The following TSNARE1 variants were observed in gnomAD, a reference collection of about 807,000 sequenced individuals.
TSNARE1 encodes the protein t-SNARE domain containing 1.
A neutral mutation model predicts 62.0 loss-of-function variants in TSNARE1; 49 were observed. The observed-to-expected ratio is 0.79, with a 90% CI of 0.63 to 1.00. TSNARE1 has a LOEUF of 1.00. TSNARE1 is among the 50% of genes least tolerant of loss of function. TSNARE1 has a pLI of 0.00. For synonymous variants in TSNARE1, 328 were observed against 294.4 expected, an observed-to-expected ratio of 1.11 and a Z score of -1.17; for missense variants, 755 against 700.1, an observed-to-expected ratio of 1.08 and a Z score of -0.88.
chr8:142,338,580 G>T (rs537697833), intron 4 of TSNARE1, among the ~76,000 whole-genome samples: 1 of 151,648 alleles, frequency 6.6e-6, no homozygotes, highest in African/African-American at 2.4e-5. Flanking sequence ...CGACCACTGG[G>T]CAAGCTGACA....
chr8:142,259,996 C>T (rs934581219), intron 12 of TSNARE1, among the ~76,000 whole-genome samples: 3 of 152,036 alleles, frequency 2.0e-5, no homozygotes, highest in South Asian at 2.1e-4. Context: ...GCCCTCGGGC[C>T]GCAGAGGCCC....
At chr8:142,353,855 G>GAA (rs879441149) in intron 2 of TSNARE1, among the ~76,000 whole-genome samples, 1 of 150,664 alleles carries the variant, frequency 6.6e-6, no homozygotes, top group Non-Finnish European at 1.5e-5. Context: ...CGGCGAGGGA[G>GAA]CCCCTGCCTG....
At chr8:142,244,142 C>A (rs1469488317) in intron 12 of TSNARE1, among the ~76,000 whole-genome samples, 2 of 152,152 alleles carry the variant, frequency 1.3e-5, no homozygotes, top group Non-Finnish European at 2.9e-5. Context: ...GCCGAGATCG[C>A]GCCACTGCAC....
At chr8:142,308,863 A>T (rs1350500940) in intron 9 of TSNARE1, among the ~76,000 whole-genome samples, 1 of 152,154 alleles carries the variant, frequency 6.6e-6, no homozygotes, top group Non-Finnish European at 1.5e-5. Flanking sequence ...GTGAGAGCTG[A>T]CATCTCCATA....
intron 1 of TSNARE1, among the ~76,000 whole-genome samples, chr8:142,399,219 C>T (rs1399264927): frequency 6.6e-6 from 1 of 152,220 alleles, no homozygotes; most frequent in Non-Finnish European, 1.5e-5. Flanking sequence ...ATGGAAGCTT[C>T]CAGATGGCTC....
rs148394691 is a variant in TSNARE1, at chr8:142,360,106, C to A, written c.-39-5343G>T. Among the ~76,000 whole-genome samples the A allele has an allele frequency of 9.2e-5, 14 of 152,338 alleles. No homozygotes were observed. In the East Asian group the frequency reaches 2.5e-3, roughly 27 times the overall value. ...AAGAGAGGGAGCCAGGCCTTCCCAA[C>A]CAAAGCACTCTGCTGAGTTCAGGAC... On this transcript the variant is annotated intron_variant, in intron 1 of 13. Coordinates refer to ENST00000524325, the MANE Select transcript of TSNARE1 (RefSeq NM_145003.5).
At chr8:142,383,263 G>C (rs527520055) in intron 1 of TSNARE1, among the ~76,000 whole-genome samples, 2 of 152,222 alleles carry the variant, frequency 1.3e-5, no homozygotes, top group African/African-American at 2.4e-5. Flanking sequence ...AGCTGAGAGA[G>C]AGCTGGAGAA....
At chr8:142,343,718 A>G in intron 4 of TSNARE1, among the ~76,000 whole-genome samples, 1 of 144,104 alleles carries the variant, frequency 6.9e-6, no homozygotes, top group East Asian at 2.3e-4. Flanking sequence ...ATGAATGAAC[A>G]AGAACACTCC....
At chr8:142,224,298 C>T (rs772576685) in intron 13 of TSNARE1, among the ~76,000 whole-genome samples, 29 of 152,344 alleles carry the variant, frequency 1.9e-4, no homozygotes, top group Non-Finnish European at 3.7e-4. Context: ...GCCCTAATGC[C>T]TGTCATGACT....
At chr8:142,221,806 CA>C (rs778333726) in intron 13 of TSNARE1, among the ~76,000 whole-genome samples, 74,722 of 139,024 alleles carry the variant, frequency 0.54, 34,300 homozygotes, top group Non-Finnish European at 0.57. Flanking sequence ...TTCACTCACT[CA>C]TCCACTCACT....
At chr8:142,340,429 G>A (rs1832420609) in intron 4 of TSNARE1, among the ~76,000 whole-genome samples, 1 of 152,208 alleles carries the variant, frequency 6.6e-6, no homozygotes, top group African/African-American at 2.4e-5. Context: ...AGCTGCCAGG[G>A]CTGGGGGAGC....
intron 2 of TSNARE1, among the ~76,000 whole-genome samples, chr8:142,350,105 G>A (rs1440181869): frequency 8.3e-6 from 1 of 120,560 alleles, no homozygotes; most frequent in Non-Finnish European, 1.7e-5. Flanking sequence ...GGCAGGGCAG[G>A]CAGGGCAGGC....
chr8:142,394,068 C>T (rs1837729152), intron 1 of TSNARE1, among the ~76,000 whole-genome samples: 1 of 152,232 alleles, frequency 6.6e-6, no homozygotes, highest in Non-Finnish European at 1.5e-5. Context: ...CCCACGCTGG[C>T]TGCCCGTCTT....
At chr8:142,268,896 G>A (rs563538308) in intron 12 of TSNARE1, among the ~76,000 whole-genome samples, 27 of 152,330 alleles carry the variant, frequency 1.8e-4, no homozygotes, top group African/African-American at 6.3e-4. Context: ...CATCAATGTC[G>A]GTGACGTAGG....
chr8:142,334,864 A>G (rs534620885), intron 4 of TSNARE1, among the ~76,000 whole-genome samples: 1 of 152,268 alleles, frequency 6.6e-6, no homozygotes. Flanking sequence ...TTTCAAACAC[A>G]GGGGCAGATT....
Position 142,268,373 on chromosome 8 carries a change from C to T in TSNARE1, c.1446+6408G>A, listed in dbSNP as rs545897436. On this transcript the variant is annotated intron_variant, in intron 12 of 13. Transcript: ENST00000524325. ...CTCAGCCACAATGCAGAGGTGAAGC[C>T]GGCTCTCCTAGCTTGGCCCTTGGTC... Among the ~76,000 whole-genome samples the T allele has an allele frequency of 6.6e-5, 10 of 152,330 alleles. No individual in the cohort carries two copies. The East Asian group carries it at 1.4e-3, about 21-fold the overall frequency.
intron 13 of TSNARE1, among the ~76,000 whole-genome samples, chr8:142,222,908 C>CCACT (rs150555969): frequency 0.9 from 129,831 of 144,898 alleles, 58,293 homozygotes; most frequent in Non-Finnish European, 0.92. Flanking sequence ...ACTTACTCAT[C>CCACT]CACTCATTCA....
chr8:142,310,676 C>A (rs1355957971), intron 9 of TSNARE1, among the ~76,000 whole-genome samples: 1 of 152,176 alleles, frequency 6.6e-6, no homozygotes, highest in Non-Finnish European at 1.5e-5. Flanking sequence ...TCCATCGTTT[C>A]TTCTAAGAAA....
intron 1 of TSNARE1, among the ~76,000 whole-genome samples, chr8:142,362,965 C>T (rs548000976): frequency 1.1e-4 from 17 of 152,326 alleles, no homozygotes; most frequent in African/African-American, 3.6e-4. Flanking sequence ...CAAAGCCCAA[C>T]TTCCAAATCC....
Sources: allele counts gnomAD v4.1 joint callset (sites outside exome capture counted in the v4.1 genomes callset), GRCh38; gene constraint gnomAD v4.1.1; transcripts MANE v1.5; gene names NCBI Gene and HGNC (gene_info 2026-07-23, HGNC 2026-07-21).